ASXL1: variants seen among roughly 807,000 people sequenced by gnomAD.
ASXL1 encodes ASXL transcriptional regulator 1.
ASXL1 carries 65 observed loss-of-function variants against 89.1 expected under a neutral mutation model. The observed-to-expected ratio is 0.73, with a 90% CI of 0.60 to 0.90. ASXL1 has a LOEUF of 0.90. Ranked by LOEUF, ASXL1 falls within the 40% of genes least tolerant of loss-of-function variation. The pLI is 0.00. For synonymous variants in ASXL1, 739 were observed against 746.9 expected, an observed-to-expected ratio of 0.99 and a Z score of 0.17; for missense variants, 1,786 against 1,942.9, an observed-to-expected ratio of 0.92 and a Z score of 1.52.
intron 4 of ASXL1, among the ~76,000 whole-genome samples, chr20:32,378,902 C>T (rs981129157): frequency 2.7e-4 from 41 of 151,418 alleles, no homozygotes; most frequent in African/African-American, 9.0e-4. Flanking sequence ...CGGAGGCGGG[C>T]GGATCACCTG....
intron 1 of ASXL1, 52 bp downstream of exon 1, chr20:32,358,884 C>A: frequency 7.0e-7 from 1 of 1,432,956 alleles, no homozygotes; most frequent in South Asian, 1.4e-5. Context: ...GGGGGGGGCT[C>A]GCCGCGCACC....
chr20:32,430,082 C>T (rs2123226489), intron 8 of ASXL1, 29 bp downstream of exon 8: 1 of 1,598,252 alleles, frequency 6.3e-7, no homozygotes, highest in Non-Finnish European at 8.5e-7. Context: ...ATTTCTCTGC[C>T]TGTAAAGGGG....
At chr20:32,359,264 T>C (rs1407040200) in intron 1 of ASXL1, 2 of 702,020 alleles carry the variant, frequency 2.8e-6, no homozygotes, top group African/African-American at 3.5e-5. Context: ...TGCCTTTGAC[T>C]CCGGGGGTGG....
Position 32,437,645 on chromosome 20 carries a change from A to G in ASXL1, c.*307A>G. The G allele has an allele frequency of 2.2e-6, 1 of 459,442 alleles. No individual in the cohort carries two copies. The highest frequency in any genetic ancestry group is 3.9e-6 in the Non-Finnish European group (1 of 253,674). 28.5% of individuals were successfully genotyped at this position (459,442 alleles called of 1,614,324 possible). On this transcript the variant is annotated 3_prime_UTR_variant, in exon 13 of 13. Coordinates refer to ENST00000375687, the MANE Select transcript of ASXL1 (RefSeq NM_015338.6). ...GGTGGGGGGACTGCCTGACTCCCAG[A>G]GGGACTTGAAACTGAAGCAAGAAGG...
intron 4 of ASXL1, 38 bp from the exon 5 acceptor site, chr20:32,428,090 A>T: frequency 6.2e-7 from 1 of 1,612,134 alleles, no homozygotes; most frequent in Non-Finnish European, 8.5e-7. Context: ...AAGAATTTGT[A>T]GGGTTTTGTT....
At chr20:32,401,522 ATGTGTGTGTG>A (rs1278707742) in intron 4 of ASXL1, among the ~76,000 whole-genome samples, 1 of 126,724 alleles carries the variant, frequency 7.9e-6, no homozygotes, top group Non-Finnish European at 1.6e-5. Flanking sequence ...TGAACCATAT[ATGTGTGTGTG>A]TGTGTGTGTG....
intron 10 of ASXL1, chr20:32,432,590 A>AGAGT (rs2011552316): frequency 2.6e-6 from 1 of 382,390 alleles, no homozygotes; most frequent in African/African-American, 2.1e-5. Flanking sequence ...GGCCTTTCTA[A>AGAGT]GAGTAAACAA....
chr20:32,366,571 T>G lies in ASXL1; in HGVS notation c.140+105T>G. The G allele has an allele frequency of 5.0e-6, 8 of 1,591,492 alleles. No homozygotes were observed. In the South Asian group the frequency reaches 9.0e-5, roughly 18 times the overall value. On this transcript the variant is annotated intron_variant, in intron 2 of 12. Transcript: ENST00000375687. ...ACACCTGTGTATGTATTTGTGCTTC[T>G]GTGTCTGGTAGTGAGATGGAACTAT...
At chr20:32,360,112 G>A in intron 1 of ASXL1, 1 of 317,786 alleles carries the variant, frequency 3.1e-6, no homozygotes, top group Admixed American at 4.4e-5. Context: ...ACACAAACCT[G>A]AAGTACACCT....
In ASXL1 at chr20:32,428,118, G is replaced by A; in HGVS notation, c.253-10G>A. 1 of 1,612,932 alleles carries A rather than the reference G, an allele frequency of 6.2e-7. No individual in the cohort carries two copies. The highest frequency in any genetic ancestry group is 1.1e-5 in the South Asian group (1 of 91,008). On this transcript the variant is annotated splice_polypyrimidine_tract_variant and intron_variant, in intron 4 of 12. Transcript: ENST00000375687. Reference sequence around the variant, plus strand: ...GTTTTGTTCACCTGAGTTGTACCTTGCTGTCACAGAAGGATGCCCTGCAGT... The same window carrying A: ...GTTTTGTTCACCTGAGTTGTACCTTACTGTCACAGAAGGATGCCCTGCAGT...
At chr20:32,363,042 T>TAA (rs534781770) in intron 1 of ASXL1, among the ~76,000 whole-genome samples, 5 of 148,348 alleles carry the variant, frequency 3.4e-5, no homozygotes, top group South Asian at 2.1e-4. Flanking sequence ...AAGAGATACT[T>TAA]AAAAAAAAAA....
chr20:32,376,694 G>A (rs913663307), intron 4 of ASXL1, among the ~76,000 whole-genome samples: 1 of 151,470 alleles, frequency 6.6e-6, no homozygotes, highest in Non-Finnish European at 1.5e-5. Flanking sequence ...ATAAGCTTAC[G>A]TGCAGAATGG....
chr20:32,396,580 T>C (rs1442957483), intron 4 of ASXL1, among the ~76,000 whole-genome samples: 1 of 152,234 alleles, frequency 6.6e-6, no homozygotes, highest in Non-Finnish European at 1.5e-5. Flanking sequence ...ACCTCTTCCC[T>C]AACTGTTGCA....
At chr20:32,390,992 A>G (rs914878814) in intron 4 of ASXL1, among the ~76,000 whole-genome samples, 2 of 151,962 alleles carry the variant, frequency 1.3e-5, no homozygotes, top group East Asian at 1.9e-4. Flanking sequence ...AACTCAAGCA[A>G]TCCTCCCACT....
At chr20:32,405,161 T>A (rs1042643578) in intron 4 of ASXL1, among the ~76,000 whole-genome samples, 2 of 152,224 alleles carry the variant, frequency 1.3e-5, no homozygotes, top group Non-Finnish European at 2.9e-5. Context: ...TCTGTCACTC[T>A]GTTGTACAGA....
At chr20:32,411,037 A>T (rs1238447050) in intron 4 of ASXL1, among the ~76,000 whole-genome samples, 1 of 55,404 alleles carries the variant, frequency 1.8e-5, no homozygotes, top group Non-Finnish European at 4.6e-5. Context: ...GTCTCAAAAA[A>T]AAAAAAAAAT....
At chr20:32,372,727 T>C (rs1272531766) in intron 4 of ASXL1, among the ~76,000 whole-genome samples, 1 of 151,886 alleles carries the variant, frequency 6.6e-6, no homozygotes, top group Admixed American at 6.6e-5. Flanking sequence ...CCCGAGTAGC[T>C]AGGACTACAG....
In ASXL1 at chr20:32,398,015, C is replaced by T. The variant is rs377264746; in HGVS notation, c.252+28892C>T. On this transcript the variant is annotated intron_variant, in intron 4 of 12. Coordinates refer to ENST00000375687, the MANE Select transcript of ASXL1 (RefSeq NM_015338.6). ...TTTACCAATTGTAGTAGGGTATTTA[C>T]GTATAGATCGGTTCGTTTGTAGCCT... is the stretch of plus-strand genomic sequence containing the variant. Among the ~76,000 whole-genome samples the T allele has an allele frequency of 2.8e-4, 42 of 152,238 alleles. No individual in the cohort carries two copies. The South Asian group carries it at 6.0e-3, about 22-fold the overall frequency.
chr20:32,379,421 T>C (rs773202090), intron 4 of ASXL1, among the ~76,000 whole-genome samples: 6 of 151,124 alleles, frequency 4.0e-5, no homozygotes, highest in Non-Finnish European at 5.9e-5. Context: ...TTGGTCAGGC[T>C]GACTTTGAAC....
Sources: allele counts gnomAD v4.1 joint callset (sites outside exome capture counted in the v4.1 genomes callset), GRCh38; gene constraint gnomAD v4.1.1; transcripts MANE v1.5; gene names NCBI Gene and HGNC (gene_info 2026-07-23, HGNC 2026-07-21).